CYSTM1: variants seen among roughly 807,000 people sequenced by gnomAD.
CYSTM1 encodes cysteine-rich transmembrane module-containing protein 1.
In CYSTM1, 4 loss-of-function variants were observed where a neutral mutation model predicts 13.1. The observed-to-expected ratio is 0.31, with a 90% CI of 0.15 to 0.70. The LOEUF is 0.70. Ranked by LOEUF, CYSTM1 falls within the 30% of genes least tolerant of loss-of-function variation. The pLI is 0.72. For missense variants in CYSTM1, 96 were observed against 121.6 expected, an observed-to-expected ratio of 0.79 and a Z score of 0.99; for synonymous variants, 36 against 42.7, an observed-to-expected ratio of 0.84 and a Z score of 0.62.
chr5:140,177,575 C>T (rs938573481), intron 1 of CYSTM1, among the ~76,000 whole-genome samples: 1 of 152,078 alleles, frequency 6.6e-6, no homozygotes, highest in Non-Finnish European at 1.5e-5. Flanking sequence ...ATATAGAAAC[C>T]GGTGCAGCAC....
intron 2 of CYSTM1, chr5:140,202,686 G>A (rs2126660496): frequency 6.6e-6 from 1 of 152,314 alleles, no homozygotes; most frequent in East Asian, 1.9e-4. Flanking sequence ...CTCTTGGATT[G>A]ACTTACACTT....
intron 2 of CYSTM1, among the ~76,000 whole-genome samples, chr5:140,209,326 G>C (rs566942454): frequency 6.0e-5 from 9 of 150,646 alleles, no homozygotes; most frequent in Non-Finnish European, 1.2e-4. Context: ...GAGTGCAATG[G>C]TGTGATCTCA....
intron 2 of CYSTM1, among the ~76,000 whole-genome samples, chr5:140,229,194 T>C (rs1764593066): frequency 6.6e-6 from 1 of 152,084 alleles, no homozygotes; most frequent in African/African-American, 2.4e-5. Flanking sequence ...CTTCTTCCTA[T>C]CTGACTCTCT....
intron 2 of CYSTM1, chr5:140,203,274 A>G (rs1391364713): frequency 6.6e-6 from 1 of 152,260 alleles, no homozygotes; most frequent in Non-Finnish European, 1.5e-5. Context: ...AAGATAATAC[A>G]AATGGTTCTG....
intron 1 of CYSTM1, among the ~76,000 whole-genome samples, chr5:140,181,726 A>G (rs1343766967): frequency 1.3e-5 from 2 of 152,152 alleles, no homozygotes; most frequent in African/African-American, 4.8e-5. Flanking sequence ...AGCTCAGGCA[A>G]TCCTGCTGCA....
intron 2 of CYSTM1, among the ~76,000 whole-genome samples, chr5:140,196,225 A>T (rs1408043190): frequency 6.6e-6 from 1 of 152,220 alleles, no homozygotes; most frequent in Non-Finnish European, 1.5e-5. Flanking sequence ...TCTAGATTAG[A>T]ATCCTGATAG....
At position 140,243,469 on chromosome 5, in the gene CYSTM1, C is replaced by T; in HGVS notation, c.*58C>T. On this transcript the variant is annotated 3_prime_UTR_variant, in exon 3 of 3. Transcript: ENST00000261811. ...TCTGCTGCCACCTCTGACAGGTGTG[C>T]CTGCCCCCATCTCTTCTGATTGCTG... The T allele has an allele frequency of 2.1e-6, 3 of 1,455,026 alleles. No individual in the cohort carries two copies. Among genetic ancestry groups the T allele is most frequent in the African/African-American group, 1.4e-5 (1 of 71,754 alleles). The allele number at this position is 1,455,026 out of a possible 1,614,324, so 90.1% of individuals were successfully genotyped here. A position where few individuals can be genotyped will look rare whatever the true frequency, so the allele number is the denominator to read the frequency against.
intron 2 of CYSTM1, among the ~76,000 whole-genome samples, chr5:140,209,567 C>T (rs898429063): frequency 2.0e-5 from 3 of 152,016 alleles, no homozygotes; most frequent in African/African-American, 7.2e-5. Context: ...ATAGCTGGGA[C>T]TACAGGTGCC....
chr5:140,192,754 G>A (rs1764108012), intron 1 of CYSTM1, among the ~76,000 whole-genome samples: 1 of 152,180 alleles, frequency 6.6e-6, no homozygotes, highest in Non-Finnish European at 1.5e-5. Flanking sequence ...ATTTGCATCT[G>A]GGTAAAGTCC....
At chr5:140,177,078 A>AACAAAAAAAAAAC (rs1763899377) in intron 1 of CYSTM1, among the ~76,000 whole-genome samples, 7 of 135,614 alleles carry the variant, frequency 5.2e-5, no homozygotes, top group East Asian at 2.3e-4. Flanking sequence ...CAAAAAAAAA[A>AACAAAAAAAAAAC]AAAAAAAAAT....
intron 1 of CYSTM1, among the ~76,000 whole-genome samples, chr5:140,188,216 G>A (rs1483006579): frequency 5.3e-5 from 8 of 151,518 alleles, no homozygotes; most frequent in African/African-American, 1.9e-4. Flanking sequence ...CTAGGACTAT[G>A]TATAACACCA....
chr5:140,180,148 C>A (rs994939771), intron 1 of CYSTM1, among the ~76,000 whole-genome samples: 1 of 152,040 alleles, frequency 6.6e-6, no homozygotes, highest in African/African-American at 2.4e-5. Context: ...TGGTCAGAGA[C>A]AAAAGGGAGT....
intron 1 of CYSTM1, among the ~76,000 whole-genome samples, chr5:140,189,143 C>T (rs1764059645): frequency 6.6e-6 from 1 of 152,198 alleles, no homozygotes; most frequent in Non-Finnish European, 1.5e-5. Context: ...TATTTGTCCT[C>T]TCCAGATCTC....
chr5:140,211,639 G>T (rs998402189), intron 2 of CYSTM1, among the ~76,000 whole-genome samples: 3 of 152,102 alleles, frequency 2.0e-5, no homozygotes, highest in Non-Finnish European at 4.4e-5. Flanking sequence ...ACCTCGTACA[G>T]CAAATACCTG....
intron 2 of CYSTM1, among the ~76,000 whole-genome samples, chr5:140,237,073 C>T (rs910228508): frequency 1.3e-5 from 2 of 152,158 alleles, no homozygotes; most frequent in East Asian, 3.9e-4. Flanking sequence ...CTCCTTCTCC[C>T]GCACCCTCAT....
Position 140,178,855 on chromosome 5 carries a change from G to C in CYSTM1, c.-21+3570G>C, listed in dbSNP as rs1044868949. ...AGGCTCAAGCAATCTGCCTGCCTCA[G>C]CCTCCCAAAGTGCTGGGATTACAGG... On this transcript the variant is annotated intron_variant, in intron 1 of 2. Transcript: ENST00000261811. 2.0e-5 allele frequency among the ~76,000 whole-genome samples: 3 copies of C among 152,140 alleles called. No individual in the cohort carries two copies. The South Asian group carries it at 6.2e-4, about 32-fold the overall frequency.
intron 1 of CYSTM1, among the ~76,000 whole-genome samples, chr5:140,190,818 C>T (rs1764086206): frequency 1.3e-5 from 2 of 152,032 alleles, no homozygotes; most frequent in Admixed American, 1.3e-4. Context: ...TTTAGCTGTC[C>T]CTTTTAGAGT....
At chr5:140,192,244 C>T (rs1168273166) in intron 1 of CYSTM1, among the ~76,000 whole-genome samples, 1 of 152,188 alleles carries the variant, frequency 6.6e-6, no homozygotes, top group African/African-American at 2.4e-5. Flanking sequence ...AGTCTGTTTA[C>T]CACATTTTCT....
chr5:140,207,368 T>C (rs1764311645), intron 2 of CYSTM1, among the ~76,000 whole-genome samples: 3 of 152,224 alleles, frequency 2.0e-5, no homozygotes. Context: ...TACAACTTGC[T>C]GATCCTCAGC....
Sources: allele counts gnomAD v4.1 joint callset (sites outside exome capture counted in the v4.1 genomes callset), GRCh38; gene constraint gnomAD v4.1.1; transcripts MANE v1.5; gene names NCBI Gene and HGNC (gene_info 2026-07-23, HGNC 2026-07-21).